Variants in CXCL13 observed in about 807,000 individuals in gnomAD.
CXCL13 encodes the protein C-X-C motif chemokine 13.
Under a neutral mutation model 12.2 loss-of-function variants are expected in CXCL13, and 7 were observed. The ratio of observed to expected loss-of-function variants is 0.57; its 90% CI spans 0.33 to 1.07. CXCL13 has a LOEUF of 1.07. CXCL13 is among the 50% of genes least tolerant of loss of function. The pLI is 0.04. For synonymous variants in CXCL13, 47 were observed against 42.4 expected, an observed-to-expected ratio of 1.11 and a Z score of -0.42; for missense variants, 113 against 127.4, an observed-to-expected ratio of 0.89 and a Z score of 0.55.
intron 1 of CXCL13, among the ~76,000 whole-genome samples, chr4:77,564,807 T>C (rs1183037946): frequency 6.6e-6 from 1 of 152,146 alleles, no homozygotes; most frequent in Non-Finnish European, 1.5e-5. Context: ...GCAGATATTG[T>C]GCGGAAAGGA....
chr4:77,606,850 G>A lies in CXCL13; in HGVS notation c.65-853G>A, dbSNP rs192312986. On this transcript the variant is annotated intron_variant, in intron 1 of 3. Transcript: ENST00000682537. ...TGTATGTCAAGCACAGTAGTAGGCT[G>A]GATAGAAAAGATCTGATAAATGTCT... Among the ~76,000 whole-genome samples the A allele has an allele frequency of 3.3e-5, 5 of 152,222 alleles. No homozygotes were observed. In the East Asian group the frequency reaches 9.6e-4, roughly 29 times the overall value.
chr4:77,512,823 C>T (rs1200389554), intron 1 of CXCL13, among the ~76,000 whole-genome samples: 2 of 152,086 alleles, frequency 1.3e-5, no homozygotes, highest in Admixed American at 1.3e-4. Flanking sequence ...TACATGTGCA[C>T]AATGTGCAGG....
At chr4:77,584,708 G>C (rs1726411940) in intron 1 of CXCL13, among the ~76,000 whole-genome samples, 1 of 152,148 alleles carries the variant, frequency 6.6e-6, no homozygotes, top group Non-Finnish European at 1.5e-5. Context: ...TGCCTTGACT[G>C]TTTGGGAAAG....
intron 1 of CXCL13, among the ~76,000 whole-genome samples, chr4:77,586,623 C>T (rs557699664): frequency 6.6e-6 from 1 of 152,250 alleles, no homozygotes; most frequent in South Asian, 2.1e-4. Flanking sequence ...GCTGCATATT[C>T]AGGACAGGAT....
chr4:77,528,950 T>G (rs1269894556), intron 1 of CXCL13, among the ~76,000 whole-genome samples: 4 of 152,218 alleles, frequency 2.6e-5, no homozygotes, highest in African/African-American at 9.6e-5. Context: ...TGAATTAATT[T>G]TTGTATAAGG....
chr4:77,581,917 A>G (rs747995077), intron 1 of CXCL13, among the ~76,000 whole-genome samples: 3 of 152,144 alleles, frequency 2.0e-5, no homozygotes, highest in Admixed American at 6.6e-5. Context: ...ACTGGTTGCA[A>G]TTTTGGTTTC....
chr4:77,603,960 TG>T (rs372229886), upstream of CXCL13, among the ~76,000 whole-genome samples: 178 of 152,358 alleles, frequency 1.2e-3, no homozygotes, highest in African/African-American at 4.1e-3. Context: ...TTAAGTGACC[TG>T]TCCAAAGTCA....
intron 1 of CXCL13, among the ~76,000 whole-genome samples, chr4:77,575,786 C>T (rs563094007): frequency 1.5e-4 from 23 of 151,696 alleles, no homozygotes; most frequent in Non-Finnish European, 3.2e-4. Flanking sequence ...AACAGGATTA[C>T]CTGGCATGTT....
chr4:77,530,053 G>T (rs747329760), intron 1 of CXCL13, among the ~76,000 whole-genome samples: 1 of 152,136 alleles, frequency 6.6e-6, no homozygotes. Flanking sequence ...TTTGTCATTG[G>T]TTCTTTTTAT....
chr4:77,609,310 T>G (rs1727091196), intron 2 of CXCL13, among the ~76,000 whole-genome samples: 1 of 151,486 alleles, frequency 6.6e-6, no homozygotes, highest in East Asian at 1.9e-4. Context: ...GTTTTTTTTT[T>G]GTTTTGTTTT....
chr4:77,591,482 C>T (rs1314451877), intron 1 of CXCL13, among the ~76,000 whole-genome samples: 11 of 135,614 alleles, frequency 8.1e-5, no homozygotes, highest in South Asian at 2.5e-4. Flanking sequence ...ACTCGGGAGG[C>T]GGAGCTTGCA....
chr4:77,518,542 A>C (rs1443449029), intron 1 of CXCL13, among the ~76,000 whole-genome samples: 2 of 151,822 alleles, frequency 1.3e-5, no homozygotes, highest in Non-Finnish European at 2.9e-5. Flanking sequence ...CATTTCATTC[A>C]TTTCATCTTC....
chr4:77,597,820 T>C lies in CXCL13; in HGVS notation c.-42-8004T>C, dbSNP rs142618792. ...ACCAAGGCTGACCACCCACAGGGAC[T>C]ACCAAGAGGCACCTGCCCACCACCA... On this transcript the variant is annotated intron_variant, in intron 1 of 4. Coordinates refer to the CXCL13 transcript ENST00000286758. Among the ~76,000 whole-genome samples, 720 of 152,278 alleles carry C rather than the reference T, an allele frequency of 4.7e-3. 11 individuals carry two copies. The highest frequency in any genetic ancestry group is 0.017 in the African/African-American group (696 of 41,560).
intron 1 of CXCL13, among the ~76,000 whole-genome samples, chr4:77,532,328 A>T (rs1050252675): frequency 1.3e-5 from 2 of 152,136 alleles, no homozygotes; most frequent in Non-Finnish European, 2.9e-5. Context: ...CTGGAGATGA[A>T]ATTCTGAGTT....
At chr4:77,522,197 G>T (rs1379541297) in intron 1 of CXCL13, among the ~76,000 whole-genome samples, 2 of 152,152 alleles carry the variant, frequency 1.3e-5, no homozygotes, top group Non-Finnish European at 2.9e-5. Flanking sequence ...TTGATTTGGG[G>T]TGGAGAGTTC....
At chr4:77,553,654 C>G (rs1725585842) in intron 1 of CXCL13, among the ~76,000 whole-genome samples, 1 of 152,166 alleles carries the variant, frequency 6.6e-6, no homozygotes, top group African/African-American at 2.4e-5. Flanking sequence ...TGTTTGCCCA[C>G]CCCTTCTCCT....
chr4:77,567,362 C>T lies in CXCL13; in HGVS notation c.-42-38462C>T, dbSNP rs74387086. Among the ~76,000 whole-genome samples the T allele has an allele frequency of 8.8e-3, 1,347 of 152,304 alleles. 19 individuals carry two copies. Among genetic ancestry groups the T allele is most frequent in the East Asian group, 0.029 (151 of 5,186 alleles). ...ATTTGGTGGTCTCTTCACATGGACG[C>T]GCACAACATTGGGATTCCAAGACAT... On this transcript the variant is annotated intron_variant, in intron 1 of 4. Coordinates refer to the CXCL13 transcript ENST00000286758.
chr4:77,554,333 T>C (rs1285353459), intron 1 of CXCL13, among the ~76,000 whole-genome samples: 1 of 152,178 alleles, frequency 6.6e-6, no homozygotes, highest in African/African-American at 2.4e-5. Flanking sequence ...ACTAGAGTGA[T>C]GTTTCAGGAC....
chr4:77,519,204 T>A (rs373718445), intron 1 of CXCL13, among the ~76,000 whole-genome samples: 3 of 152,170 alleles, frequency 2.0e-5, no homozygotes, highest in African/African-American at 7.2e-5. Flanking sequence ...CTGCCCCTAC[T>A]GGGGGATGCC....
Sources: allele counts gnomAD v4.1 joint callset (sites outside exome capture counted in the v4.1 genomes callset), GRCh38; gene constraint gnomAD v4.1.1; transcripts MANE v1.5; gene names NCBI Gene and HGNC (gene_info 2026-07-23, HGNC 2026-07-21).